The following ATP6V1D variants were observed in gnomAD, a reference collection of about 807,000 sequenced individuals.
The protein encoded by ATP6V1D is V-type proton ATPase subunit D.
ATP6V1D carries 20 observed loss-of-function variants against 39.4 expected under a neutral mutation model. The observed-to-expected ratio is 0.51, with a 90% confidence interval of 0.36 to 0.74. The LOEUF (loss-of-function observed/expected upper bound fraction) is 0.74, where lower values mean the gene tolerates loss of function less well. Ranked by LOEUF, ATP6V1D falls within the 30% of genes least tolerant of loss-of-function variation. The pLI is 0.00. For missense variants in ATP6V1D, 228 were observed against 291.6 expected, an observed-to-expected ratio of 0.78 and a Z score of 1.59; for synonymous variants, 100 against 100.5, an observed-to-expected ratio of 0.99 and a Z score of 0.03.
intron 8 of ATP6V1D, among the ~76,000 whole-genome samples, chr14:67,339,538 T>C (rs2085564268): frequency 6.6e-6 from 1 of 152,152 alleles, no homozygotes; most frequent in Admixed American, 6.5e-5. Context: ...GAACCGAGTA[T>C]ACAGATCCCT....
intron 5 of ATP6V1D, 34 bp downstream of exon 5, chr14:67,347,375 A>G (rs1295590089): frequency 2.6e-6 from 4 of 1,538,418 alleles, no homozygotes; most frequent in South Asian, 2.3e-5. Flanking sequence ...GAAATCCCAG[A>G]GACACAAAGT....
At chr14:67,340,938 GGTGCCGGGATTGCA>G (rs2085576455) in intron 7 of ATP6V1D, among the ~76,000 whole-genome samples, 1 of 152,244 alleles carries the variant, frequency 6.6e-6, no homozygotes, top group South Asian at 2.1e-4. Context: ...GGCCTCCCGA[GGTGCCGGGATTGCA>G]GATGGAGTCT....
At chr14:67,345,160 T>G (rs10148114) in intron 6 of ATP6V1D, among the ~76,000 whole-genome samples, 12,369 of 152,016 alleles carry the variant, frequency 0.081, 1,195 homozygotes, top group African/African-American at 0.23. Flanking sequence ...GCGGATCACT[T>G]AAGCCCAGGA....
At chr14:67,340,832 C>G (rs1392602163) in intron 7 of ATP6V1D, among the ~76,000 whole-genome samples, 1 of 152,226 alleles carries the variant, frequency 6.6e-6, no homozygotes, top group East Asian at 1.9e-4. Flanking sequence ...TGCCGCCACG[C>G]CTGACTGGTT....
intron 3 of ATP6V1D, among the ~76,000 whole-genome samples, chr14:67,349,910 T>C (rs952370499): frequency 2.6e-5 from 4 of 152,142 alleles, no homozygotes; most frequent in Admixed American, 6.6e-5. Flanking sequence ...TCCTAGATAA[T>C]AGGCATCATG....
At chr14:67,343,818 T>G (rs2085602759) in intron 6 of ATP6V1D, among the ~76,000 whole-genome samples, 1 of 152,238 alleles carries the variant, frequency 6.6e-6, no homozygotes, top group Non-Finnish European at 1.5e-5. Context: ...ACTGTGCCAC[T>G]GTACTCCAGC....
At chr14:67,343,216 T>C (rs2085598093) in intron 7 of ATP6V1D, among the ~76,000 whole-genome samples, 156 bp downstream of exon 7, 1 of 152,216 alleles carries the variant, frequency 6.6e-6, no homozygotes, top group Non-Finnish European at 1.5e-5. Flanking sequence ...ACACTTTTTT[T>C]TTTTACTATG....
intron 1 of ATP6V1D, among the ~76,000 whole-genome samples, 186 bp downstream of exon 1, chr14:67,359,472 G>C (rs2085712225): frequency 6.6e-6 from 1 of 152,184 alleles, no homozygotes; most frequent in African/African-American, 2.4e-5. Context: ...CGTCCAGCCT[G>C]ATTCACTCAG....
chr14:67,354,397 CTAATATA>C (rs2085672781), intron 1 of ATP6V1D, among the ~76,000 whole-genome samples: 1 of 152,136 alleles, frequency 6.6e-6, no homozygotes, highest in Admixed American at 6.5e-5. Flanking sequence ...AATCTATCCA[CTAATATA>C]TATCAAAATT....
chr14:67,346,435 C>A (rs1018051468), intron 5 of ATP6V1D, among the ~76,000 whole-genome samples: 1 of 152,162 alleles, frequency 6.6e-6, no homozygotes, highest in African/African-American at 2.4e-5. Flanking sequence ...CCTCGGCCTC[C>A]CGAGTAGCTG....
At chr14:67,348,583 G>A (rs189963111) in intron 4 of ATP6V1D, among the ~76,000 whole-genome samples, 4 of 152,064 alleles carry the variant, frequency 2.6e-5, no homozygotes, top group Admixed American at 6.5e-5. Context: ...GTGCAGTGGT[G>A]CAATCTCGGC....
rs2085649583 is a variant in ATP6V1D at position 67,350,655 on chromosome 14, A to C, written c.195T>G (p.Ala65=). Residue 65 remains alanine, a synonymous_variant, in exon 3 of 9, where the codon GCT becomes GCG. Transcript: ENST00000216442. ...KMLMGEVMRE[A]AFSLAEAKFT... Reference sequence around the variant, plus strand: ...ACTTGGCTTCAGCTAGTGAAAAGGCAGCTTCTCTCATCACTTCGCCCATCA... The same window carrying C: ...ACTTGGCTTCAGCTAGTGAAAAGGCCGCTTCTCTCATCACTTCGCCCATCA... The C allele has an allele frequency of 3.7e-6, 6 of 1,613,704 alleles. No individual in the cohort carries two copies. The Middle Eastern group carries it at 6.6e-4, about 178-fold the overall frequency.
intron 2 of ATP6V1D, among the ~76,000 whole-genome samples, chr14:67,351,576 A>G (rs1478864020): frequency 6.6e-6 from 1 of 152,202 alleles, no homozygotes; most frequent in Non-Finnish European, 1.5e-5. Flanking sequence ...TGGTGTAATC[A>G]TAGCTCACTG....
intron 2 of ATP6V1D, among the ~76,000 whole-genome samples, chr14:67,351,781 A>G (rs1338374410): frequency 6.6e-6 from 1 of 152,038 alleles, no homozygotes; most frequent in African/African-American, 2.4e-5. Flanking sequence ...TCGGCCTCCC[A>G]AAGTGTTGGG....
intron 1 of ATP6V1D, among the ~76,000 whole-genome samples, chr14:67,358,195 C>CT (rs1364926926): frequency 6.6e-6 from 1 of 152,156 alleles, no homozygotes; most frequent in Non-Finnish European, 1.5e-5. Flanking sequence ...GAAGTTTTGA[C>CT]TGAGTCATCA....
chr14:67,357,569 A>T (rs1192324830), intron 1 of ATP6V1D, among the ~76,000 whole-genome samples: 1 of 152,230 alleles, frequency 6.6e-6, no homozygotes, highest in Non-Finnish European at 1.5e-5. Flanking sequence ...TCAAAGTAAA[A>T]GTTTCAAAGT....
Position 67,338,061 on chromosome 14 carries a change from A to G in ATP6V1D, c.*560T>C, listed in dbSNP as rs1372289256. ...ATGACTTAACAGTAAATTAATAAAA[A>G]CGGAATGACTTACTTTTAAATCATT... On this transcript the variant is annotated 3_prime_UTR_variant, in exon 9 of 9. Coordinates refer to ENST00000216442, the MANE Select transcript of ATP6V1D (RefSeq NM_015994.4). 6.6e-6 allele frequency: 1 copy of G among 152,280 alleles called. No homozygotes were observed. Among genetic ancestry groups the G allele is most frequent in the East Asian group, 1.9e-4 (1 of 5,206 alleles). The allele number at this position is 152,280 out of a possible 1,614,324, so 9.4% of individuals were successfully genotyped here.
At chr14:67,357,169 T>A (rs2085690894) in intron 1 of ATP6V1D, among the ~76,000 whole-genome samples, 1 of 152,234 alleles carries the variant, frequency 6.6e-6, no homozygotes, top group Non-Finnish European at 1.5e-5. Context: ...CAATTGTTTT[T>A]GCTTTCTCTG....
rs376133419 is a variant in ATP6V1D at position 67,343,382 on chromosome 14, G to A, written c.513C>T (p.Ala171=). 3 of 1,611,670 alleles carry A rather than the reference G, an allele frequency of 1.9e-6. No homozygotes were observed. The highest frequency in any genetic ancestry group is 2.5e-6 in the Non-Finnish European group (3 of 1,178,044). The change falls in exon 7 of 9, where the codon GCC becomes GCT. Residue 171 remains alanine (A), a synonymous_variant. Coordinates refer to ENST00000216442, the MANE Select transcript of ATP6V1D (RefSeq NM_015994.4). ...GTACCTAATACTCACCATGTTCAAT[G>A]GCATTTACACGCCTGTTGGTTATCT... ...AIKITNRRVN[A]IEHVIIPRIE... is the part of the protein sequence containing the mutation.
Sources: gnomAD v4.1 joint callset for allele counts (sites outside exome capture counted in the v4.1 genomes callset) on GRCh38, gnomAD v4.1.1 for gene constraint, MANE v1.5 for transcripts, NCBI Gene and HGNC (gene_info 2026-07-23, HGNC 2026-07-21) for gene names.